Variants in ALG13 observed in about 807,000 individuals in gnomAD.
ALG13 encodes the protein UDP-N-acetylglucosamine transferase subunit ALG13.
ALG13 carries 11 observed loss-of-function variants against 87.8 expected under a neutral mutation model. The ratio of observed to expected loss-of-function variants is 0.13; its 90% CI spans 0.08 to 0.21. The LOEUF (loss-of-function observed/expected upper bound fraction) is 0.21, where lower values mean the gene tolerates loss of function less well. Among genes scored for constraint, ALG13 ranks in the 10% least tolerant of loss-of-function variants. ALG13 has a pLI of 1.00. For missense variants in ALG13, 756 were observed against 866.1 expected (o/e 0.87, Z 1.60); for synonymous variants, 320 against 306.3 (o/e 1.04, Z -0.47).
At chrX:111,738,362 G>C (rs1271917744) in intron 23 of ALG13, among the ~76,000 whole-genome samples, 3 of 111,724 alleles carry the variant, frequency 2.7e-5, no homozygotes, top group African/African-American at 9.8e-5. Flanking sequence ...TATGCTTGTT[G>C]AGCATTCCTA....
Position 111,694,699 on chromosome X carries a change from T to C in ALG13, c.383+9596T>C, listed in dbSNP as rs1009781113. 2.7e-5 allele frequency among the ~76,000 whole-genome samples: 3 copies of C among 112,107 alleles called. No individual in the cohort carries two copies. The East Asian group carries it at 8.4e-4, about 31-fold the overall frequency. ...GACGCATATAGTACATCTTTTTGAA[T>C]GATCATTTCTCCTTTTGTGCAGCAT... On this transcript the variant is annotated intron_variant, in intron 3 of 26. Transcript: ENST00000394780.
At position 111,711,716 on chromosome X, in the gene ALG13, A is replaced by T; in HGVS notation, c.876A>T (p.Gly292=). 1 of 1,207,540 alleles carries T rather than the reference A, an allele frequency of 8.3e-7. No individual in the cohort carries two copies. The highest frequency in any genetic ancestry group is 1.1e-6 in the Non-Finnish European group (1 of 892,703). ...TTGAGAAATACCTGGAACGGTTGGGAGATCCCAAGGTAAGATCAAATATGG... is the reference window on the plus strand; with the variant it reads ...TTGAGAAATACCTGGAACGGTTGGGTGATCCCAAGGTAAGATCAAATATGG... ...GSFEKYLERL[G]DPKESAGQLE... Residue 292 remains glycine, a synonymous_variant, in exon 6 of 27, where the codon GGA becomes GGT. Coordinates refer to ENST00000394780, the MANE Select transcript of ALG13 (RefSeq NM_001099922.3).
chrX:111,705,340 TG>T (rs1443897212), intron 3 of ALG13, among the ~76,000 whole-genome samples: 1 of 112,166 alleles, frequency 8.9e-6, no homozygotes, highest in African/African-American at 3.2e-5. Flanking sequence ...TTTTTATTGT[TG>T]ACTTTTCAGA....
chrX:111,748,745 A>G (rs1944459641), intron 24 of ALG13, among the ~76,000 whole-genome samples: 2 of 111,048 alleles, frequency 1.8e-5, no homozygotes, highest in Admixed American at 9.7e-5. Context: ...TTTAATTCTG[A>G]TGGAATCTAA....
rs1174544387 is a variant in ALG13, at chrX:111,721,589, T to C, written c.1327-14T>C. ...AAGGATTGTGAGTTTGTAGCATGAT[T>C]ATTTTTGTTTTAGTCTCCAGAAAAT... is the stretch of plus-strand genomic sequence containing the variant. On this transcript the variant is annotated splice_polypyrimidine_tract_variant and intron_variant, in intron 11 of 26. Coordinates refer to ENST00000394780, the MANE Select transcript of ALG13 (RefSeq NM_001099922.3). 1 of 1,035,936 alleles carries C rather than the reference T, an allele frequency of 9.7e-7. No homozygotes were observed. Among genetic ancestry groups the C allele is most frequent in the Admixed American group, 2.3e-5 (1 of 44,386 alleles). 85.4% of individuals were successfully genotyped at this position (1,035,936 alleles called of 1,213,427 possible).
chrX:111,727,130 A>G (rs1942152852), intron 16 of ALG13, 75 bp downstream of exon 16: 4 of 1,134,937 alleles, frequency 3.5e-6, no homozygotes, highest in Non-Finnish European at 4.8e-6. Context: ...AGAAGATAGA[A>G]TGCCATCAAG....
In ALG13 at chrX:111,727,422, T is replaced by A; in HGVS notation, c.2067T>A (p.Tyr689Ter). Residue 689 changes from tyrosine (Y) to a stop codon, truncating the protein, a stop_gained, in exon 17 of 27, where the codon TAT (tyrosine) becomes TAA (stop). Coordinates refer to ENST00000394780, the MANE Select transcript of ALG13 (RefSeq NM_001099922.3). LOFTEE classifies it high-confidence loss of function. ...CAGGTAAAAGGTGCTGCCAGAGCTA[T>A]GATAACTTCTCTTATAGATCTCGGT... ...PGPGKRCCQS[Y>*]DNFSYRSRSF... The A allele has an allele frequency of 8.3e-7, 1 of 1,207,027 alleles. No individual in the cohort carries two copies. Among genetic ancestry groups the A allele is most frequent in the South Asian group, 1.8e-5 (1 of 56,234 alleles).
rs1556489533 is a variant in ALG13, at chrX:111,713,217, C to T, written c.933-8C>T. 8.5e-7 allele frequency: 1 copy of T among 1,170,903 alleles called. No individual in the cohort carries two copies. Among genetic ancestry groups the T allele is most frequent in the Non-Finnish European group, 1.2e-6 (1 of 863,246 alleles). On this transcript the variant is annotated splice_region_variant and splice_polypyrimidine_tract_variant and intron_variant, in intron 7 of 26. Transcript: ENST00000394780. Reference sequence around the variant, plus strand: ...GTCTTCCCACTTACCTTTGTTTTCCCCATATAGTCGGGATTTCATTCTTTA... The same window carrying T: ...GTCTTCCCACTTACCTTTGTTTTCCTCATATAGTCGGGATTTCATTCTTTA...
intron 1 of ALG13, chrX:111,681,591 C>T (rs1258488881): frequency 2.1e-6 from 2 of 947,003 alleles, no homozygotes; most frequent in East Asian, 4.8e-5. Flanking sequence ...TCTCCGCCTC[C>T]GCGTCCTCCG....
intron 3 of ALG13, among the ~76,000 whole-genome samples, chrX:111,691,115 T>G (rs1936058669): frequency 9.0e-6 from 1 of 111,099 alleles, no homozygotes; most frequent in African/African-American, 3.3e-5. Flanking sequence ...TATTTATTTA[T>G]TTTGAGACCA....
intron 23 of ALG13, among the ~76,000 whole-genome samples, chrX:111,740,083 G>A (rs1943612541): frequency 9.0e-6 from 1 of 111,581 alleles, no homozygotes; most frequent in Admixed American, 9.5e-5. Flanking sequence ...TAAGACAAAT[G>A]AGGGCTGAGA....
chrX:111,720,579 T>A (rs1166961064), intron 11 of ALG13, among the ~76,000 whole-genome samples: 1 of 111,647 alleles, frequency 9.0e-6, no homozygotes, highest in Non-Finnish European at 1.9e-5. Flanking sequence ...ACCATCCGTA[T>A]AGGACTAAAA....
intron 3 of ALG13, chrX:111,690,112 A>G: frequency 1.3e-6 from 1 of 749,957 alleles, no homozygotes; most frequent in African/African-American, 2.3e-5. Flanking sequence ...ATGAGGAAAC[A>G]TGCTAAATTA....
chrX:111,722,647 A>G (rs1044378229), intron 12 of ALG13, 146 bp from the exon 13 acceptor site: 3 of 426,432 alleles, frequency 7.0e-6, no homozygotes, highest in African/African-American at 2.6e-5. Flanking sequence ...CCAGAATGAT[A>G]GAATCGCCCT....
At chrX:111,707,934 A>G (rs1939066761) in intron 3 of ALG13, 93 bp from the exon 4 acceptor site, 1 of 940,381 alleles carries the variant, frequency 1.1e-6, no homozygotes, top group Non-Finnish European at 1.4e-6. Context: ...CCAAGGAGGT[A>G]ACTCTAAGTA....
At chrX:111,742,942 CTCT>C (rs769277262) in intron 23 of ALG13, among the ~76,000 whole-genome samples, 2 of 112,201 alleles carry the variant, frequency 1.8e-5, no homozygotes, top group African/African-American at 3.2e-5. Context: ...GCCTGTGGAG[CTCT>C]TCTTAAGTCT....
chrX:111,759,950 G>C lies in ALG13; in HGVS notation c.3365G>C (p.Cys1122Ser). ...HGAINPGPIG[C>S]IAPSPPASHY... ...GCTATAAATCCTGGGCCAATTGGCT[G>C]TATTGCTCCATCTCCCCCAGCTTCT... The change falls in exon 27 of 27, where the codon TGT becomes TCT. Residue 1122 changes from cysteine (C) to serine (S), a missense_variant. This residue lies in a region of ALG13 where 110 missense variants were observed against 104.9 expected (regional missense o/e 1.05). Transcript: ENST00000394780. 2.5e-6 allele frequency: 3 copies of C among 1,210,822 alleles called. No individual in the cohort carries two copies. The East Asian group carries it at 8.9e-5, about 36-fold the overall frequency.
chrX:111,756,323 A>T (rs1945252213), intron 25 of ALG13, among the ~76,000 whole-genome samples: 1 of 111,788 alleles, frequency 8.9e-6, no homozygotes, highest in Admixed American at 9.5e-5. Flanking sequence ...TGACAGATTG[A>T]TGGGTGTAGA....
At chrX:111,724,064 A>C (rs1241339984) in intron 14 of ALG13, among the ~76,000 whole-genome samples, 166 bp downstream of exon 14, 2 of 112,207 alleles carry the variant, frequency 1.8e-5, no homozygotes, top group East Asian at 5.6e-4. Flanking sequence ...CTGAAGTATG[A>C]ATCAATATAG....
Sources: gnomAD v4.1 joint callset for allele counts (sites outside exome capture counted in the v4.1 genomes callset) on GRCh38, gnomAD v4.1.1 for gene constraint, gnomAD v4.1.1 regional missense constraint, MANE v1.5 for transcripts, NCBI Gene and HGNC (gene_info 2026-07-23, HGNC 2026-07-21) for gene names.